FRMPD4: variants seen among roughly 807,000 people sequenced by gnomAD.
FRMPD4 encodes the protein FERM and PDZ domain containing 4.
In FRMPD4, 22 loss-of-function variants were observed where a neutral mutation model predicts 94.1. The observed-to-expected ratio is 0.23, with a 90% confidence interval of 0.17 to 0.33. The LOEUF (loss-of-function observed/expected upper bound fraction) is 0.33. Ranked by LOEUF, FRMPD4 falls within the 10% of genes least tolerant of loss-of-function variation. FRMPD4 has a pLI of 1.00. For synonymous variants in FRMPD4, 631 were observed against 548.6 expected, an observed-to-expected ratio of 1.15 and a Z score of -2.10; for missense variants, 1,111 against 1,339.9, an observed-to-expected ratio of 0.83 and a Z score of 2.67.
At chrX:11,995,030 G>C (rs1399346563) in intron 3 of FRMPD4, among the ~76,000 whole-genome samples, 7 of 110,665 alleles carry the variant, frequency 6.3e-5, no homozygotes, top group East Asian at 2.9e-4. Flanking sequence ...TTCCACTTAA[G>C]GCTCTAAAAT....
At chrX:12,393,327 GA>G (rs971156887) in intron 1 of FRMPD4, among the ~76,000 whole-genome samples, 3 of 110,710 alleles carry the variant, frequency 2.7e-5, no homozygotes, top group African/African-American at 6.6e-5. Flanking sequence ...AGAAAAAACA[GA>G]AAAAAAAATT....
intron 3 of FRMPD4, among the ~76,000 whole-genome samples, chrX:11,930,284 C>T (rs1214657823): frequency 9.1e-6 from 1 of 110,403 alleles, no homozygotes; most frequent in African/African-American, 3.3e-5. Flanking sequence ...TGAATGTTGG[C>T]TCCCCAAAAG....
intron 1 of FRMPD4, among the ~76,000 whole-genome samples, chrX:12,181,001 A>T (rs533457180): frequency 5.4e-5 from 6 of 112,036 alleles, no homozygotes; most frequent in South Asian, 3.7e-4. Flanking sequence ...GGGTAATGCC[A>T]TTTTAATCTG....
intron 3 of FRMPD4, among the ~76,000 whole-genome samples, chrX:11,896,307 G>A (rs1244130663): frequency 2.7e-5 from 3 of 112,186 alleles, no homozygotes; most frequent in Non-Finnish European, 5.6e-5. Context: ...TTGTAAAGAG[G>A]CCAAGTTACT....
chrX:11,860,118 T>C (rs2053677487), intron 1 of FRMPD4, among the ~76,000 whole-genome samples: 1 of 112,709 alleles, frequency 8.9e-6, no homozygotes, highest in South Asian at 3.6e-4. Context: ...AAAATTAAGA[T>C]GCATTTGCTG....
intron 3 of FRMPD4, among the ~76,000 whole-genome samples, chrX:12,069,640 A>G (rs2054949629): frequency 9.0e-6 from 1 of 111,575 alleles, no homozygotes; most frequent in African/African-American, 3.3e-5. Context: ...AAGGTAACTC[A>G]ATCCAGGAAG....
intron 1 of FRMPD4, among the ~76,000 whole-genome samples, chrX:12,488,349 C>T (rs778645290): frequency 1.1e-3 from 120 of 112,301 alleles, no homozygotes; most frequent in African/African-American, 3.6e-3. Flanking sequence ...TACAACATCA[C>T]ATTTGAAAAC....
intron 1 of FRMPD4, among the ~76,000 whole-genome samples, chrX:12,153,174 G>T (rs1451024499): frequency 9.0e-6 from 1 of 110,957 alleles, no homozygotes; most frequent in Non-Finnish European, 1.9e-5. Flanking sequence ...CTGACCTCAT[G>T]ATCCACCCGC....
chrX:12,155,540 A>G (rs1030114475), intron 1 of FRMPD4, among the ~76,000 whole-genome samples: 1 of 87,578 alleles, frequency 1.1e-5, no homozygotes, highest in African/African-American at 4.5e-5. Context: ...ACCTCTTATC[A>G]TTGTAGAATG....
intron 2 of FRMPD4, among the ~76,000 whole-genome samples, chrX:12,567,070 T>A (rs1286046724): frequency 9.0e-6 from 1 of 111,212 alleles, no homozygotes; most frequent in Non-Finnish European, 1.9e-5. Context: ...TTTGCCCTAG[T>A]GTGGGGAAAA....
At chrX:12,663,090 T>C (rs1475299973) in intron 4 of FRMPD4, among the ~76,000 whole-genome samples, 1 of 112,573 alleles carries the variant, frequency 8.9e-6, no homozygotes, top group Non-Finnish European at 1.9e-5. Flanking sequence ...TCCTTATAGA[T>C]TCTGGATATT....
intron 3 of FRMPD4, among the ~76,000 whole-genome samples, chrX:12,064,648 G>A (rs1022137528): frequency 6.3e-5 from 7 of 111,802 alleles, no homozygotes; most frequent in Non-Finnish European, 1.1e-4. Context: ...AGTAAAAAGT[G>A]AGGTACACTG....
chrX:12,241,327 A>G (rs1030635777), intron 1 of FRMPD4, among the ~76,000 whole-genome samples: 1 of 112,359 alleles, frequency 8.9e-6, no homozygotes, highest in South Asian at 3.7e-4. Flanking sequence ...AGGACTTTGG[A>G]AGAGTCACAG....
chrX:12,628,718 C>T (rs2059369927), intron 4 of FRMPD4, among the ~76,000 whole-genome samples: 1 of 112,870 alleles, frequency 8.9e-6, no homozygotes, highest in South Asian at 3.6e-4. Flanking sequence ...GGACCCGTTG[C>T]TTGTCCTGTA....
chrX:11,824,905 C>A (rs1459275468), intron 1 of FRMPD4, among the ~76,000 whole-genome samples: 17 of 107,400 alleles, frequency 1.6e-4, no homozygotes, highest in Non-Finnish European at 7.7e-5. Flanking sequence ...ATGCATGGAG[C>A]CTGAGGGTGA....
intron 2 of FRMPD4, among the ~76,000 whole-genome samples, chrX:12,509,263 C>T (rs1196105981): frequency 9.0e-6 from 1 of 111,266 alleles, no homozygotes; most frequent in African/African-American, 3.3e-5. Flanking sequence ...AGAAGTCATA[C>T]GAAAAAGATA....
At chrX:12,374,811 C>T (rs1479875104) in intron 1 of FRMPD4, 1 of 111,417 alleles carries the variant, frequency 9.0e-6, no homozygotes, top group Non-Finnish European at 1.9e-5. Flanking sequence ...ATCACCTGTG[C>T]CTCCAAATAG....
At chrX:11,854,866 C>T (rs759710193) in intron 1 of FRMPD4, among the ~76,000 whole-genome samples, 38 of 111,625 alleles carry the variant, frequency 3.4e-4, no homozygotes, top group Non-Finnish European at 6.2e-4. Context: ...GTCTACAGGA[C>T]GATGGCCTTC....
At chrX:11,946,265 C>T (rs1437849169) in intron 3 of FRMPD4, among the ~76,000 whole-genome samples, 6 of 111,138 alleles carry the variant, frequency 5.4e-5, no homozygotes, top group African/African-American at 2.0e-4. Context: ...TTCTTTGCTC[C>T]GGCAGACTCA....
Sources: gnomAD v4.1 joint callset for allele counts (sites outside exome capture counted in the v4.1 genomes callset) on GRCh38, gnomAD v4.1.1 for gene constraint, MANE v1.5 for transcripts, NCBI Gene and HGNC (gene_info 2026-07-23, HGNC 2026-07-21) for gene names.